The following CADPS2 variants were observed in gnomAD, a reference collection of about 807,000 sequenced individuals.
The protein encoded by CADPS2 is calcium dependent secretion activator 2.
Under a neutral mutation model 172.5 loss-of-function variants are expected in CADPS2, and 93 were observed. The ratio of observed to expected loss-of-function variants is 0.54; its 90% CI spans 0.46 to 0.64. CADPS2 has a LOEUF of 0.64. Ranked by LOEUF, CADPS2 falls within the 30% of genes least tolerant of loss-of-function variation. The pLI, the probability that CADPS2 is intolerant of heterozygous loss-of-function variation, is 0.00. For synonymous variants in CADPS2, 546 were observed against 555.2 expected (o/e 0.98, Z 0.23); for missense variants, 1,420 against 1,565.9 (o/e 0.91, Z 1.57).
Position 122,803,673 on chromosome 7 carries a change from T to G in CADPS2, c.340-66605A>C, listed in dbSNP as rs373105737. Among the ~76,000 whole-genome samples, 41 of 152,310 alleles carry G rather than the reference T, an allele frequency of 2.7e-4. No homozygotes were observed. The South Asian group carries it at 5.2e-3, about 19-fold the overall frequency. On this transcript the variant is annotated intron_variant, in intron 1 of 29. Coordinates refer to ENST00000449022, the MANE Select transcript of CADPS2 (RefSeq NM_017954.11). ...CCATTTGATTCATTTTAAAAATTTA[T>G]AGTATTCTTTGATGGTAGTTTGTAT...
intron 2 of CADPS2, among the ~76,000 whole-genome samples, chr7:122,696,021 A>G (rs530533983): frequency 2.8e-4 from 42 of 152,296 alleles, no homozygotes; most frequent in Middle Eastern, 3.4e-3. Context: ...GACTGCCAAC[A>G]CTACAGATGC....
Position 122,513,273 on chromosome 7 carries a change from T to C in CADPS2, c.1518A>G (p.Lys506=). The C allele has an allele frequency of 6.4e-7, 1 of 1,561,968 alleles. No homozygotes were observed. The change falls in exon 9 of 30, where the codon AAA becomes AAG. Residue 506 remains lysine (K), a synonymous_variant. Transcript: ENST00000449022. The part of the protein sequence containing the change: ...ALGQKVWKRW[K]KRYFVLVQVS... Reference sequence around the variant, plus strand: ...CCTGAACTAGAACAAAGTAACGTTTTTTCCATCTTTTCCAAACCTTCTGTC... The same window carrying C: ...CCTGAACTAGAACAAAGTAACGTTTCTTCCATCTTTTCCAAACCTTCTGTC...
intron 1 of CADPS2, among the ~76,000 whole-genome samples, chr7:122,761,516 A>G (rs1350334447): frequency 6.6e-6 from 1 of 152,164 alleles, no homozygotes; most frequent in Non-Finnish European, 1.5e-5. Context: ...AGAAGTATGA[A>G]AAGTCTCTAA....
intron 1 of CADPS2, among the ~76,000 whole-genome samples, chr7:122,740,874 A>G (rs2092434573): frequency 6.6e-6 from 1 of 152,174 alleles, no homozygotes; most frequent in South Asian, 2.1e-4. Flanking sequence ...CAGATAAAAG[A>G]CTTAATCCAT....
intron 1 of CADPS2, among the ~76,000 whole-genome samples, chr7:122,765,405 G>T (rs1181261163): frequency 6.6e-6 from 1 of 152,066 alleles, no homozygotes; most frequent in African/African-American, 2.4e-5. Context: ...ACAGTGCCCA[G>T]AACATGGTAG....
chr7:122,530,695 T>C (rs1184535696), intron 8 of CADPS2, among the ~76,000 whole-genome samples: 1 of 152,198 alleles, frequency 6.6e-6, no homozygotes, highest in Non-Finnish European at 1.5e-5. Context: ...TAACTATTAA[T>C]ACACAATATT....
chr7:122,426,586 A>C (rs542582090), intron 17 of CADPS2, among the ~76,000 whole-genome samples: 6 of 152,356 alleles, frequency 3.9e-5, no homozygotes, highest in African/African-American at 1.4e-4. Context: ...GTCTTTGGGT[A>C]CTTATAAACC....
intron 2 of CADPS2, among the ~76,000 whole-genome samples, chr7:122,723,590 C>G (rs2090735570): frequency 6.6e-6 from 1 of 152,156 alleles, no homozygotes; most frequent in African/African-American, 2.4e-5. Flanking sequence ...GGATGGGAAA[C>G]TAGTTCAACC....
chr7:122,572,207 G>A (rs781151237), intron 7 of CADPS2, among the ~76,000 whole-genome samples: 4 of 152,112 alleles, frequency 2.6e-5, no homozygotes, highest in African/African-American at 4.8e-5. Context: ...AGATGGAATG[G>A]AAATTCTTTT....
chr7:122,729,400 A>G lies in CADPS2; in HGVS notation c.453+7555T>C, dbSNP rs536806540. 2.0e-5 allele frequency among the ~76,000 whole-genome samples: 3 copies of G among 151,834 alleles called. No individual in the cohort carries two copies. The East Asian group carries it at 5.8e-4, about 29-fold the overall frequency. On this transcript the variant is annotated intron_variant, in intron 2 of 29. Coordinates refer to ENST00000449022, the MANE Select transcript of CADPS2 (RefSeq NM_017954.11). ...TAAATACCAAGTAATGAGATTGCTG[A>G]ATCTTATGGTATTTCTATTTTTAAT...
rs184024099 is a variant in CADPS2, at chr7:122,676,569, A to G, written c.454-13000T>C. On this transcript the variant is annotated intron_variant, in intron 2 of 29. Transcript: ENST00000449022. Reference sequence around the variant, plus strand: ...TTGGAGAAGGATGCTGTTAGCCCCAATTAAATATCCACTTCACACAGCATG... The same window carrying G: ...TTGGAGAAGGATGCTGTTAGCCCCAGTTAAATATCCACTTCACACAGCATG... The G allele has an allele frequency of 6.1e-5, 49 of 804,516 alleles. No homozygotes were observed. The African/African-American group carries it at 6.6e-4, about 11-fold the overall frequency. 49.8% of individuals were successfully genotyped at this position (804,516 alleles called of 1,614,324 possible).
intron 8 of CADPS2, among the ~76,000 whole-genome samples, chr7:122,551,214 T>C (rs1300914594): frequency 1.3e-5 from 2 of 152,104 alleles, no homozygotes; most frequent in Non-Finnish European, 2.9e-5. Context: ...ACATTAAAAT[T>C]ATGTTCTATT....
At chr7:122,870,490 G>A (rs1236320018) in intron 1 of CADPS2, among the ~76,000 whole-genome samples, 1 of 152,016 alleles carries the variant, frequency 6.6e-6, no homozygotes, top group Non-Finnish European at 1.5e-5. Context: ...GGAGAAAGGA[G>A]AGATGTTGAT....
intron 19 of CADPS2, among the ~76,000 whole-genome samples, chr7:122,408,616 G>A (rs1336055102): frequency 2.0e-5 from 3 of 152,226 alleles, no homozygotes; most frequent in Admixed American, 6.5e-5. Flanking sequence ...TAGGAGAAAC[G>A]GGGTTTTGCT....
chr7:122,735,839 G>A (rs1232057111), intron 2 of CADPS2, among the ~76,000 whole-genome samples: 1 of 151,976 alleles, frequency 6.6e-6, no homozygotes, highest in Non-Finnish European at 1.5e-5. Context: ...AGTACATGAG[G>A]CAAATATAGA....
intron 28 of CADPS2, among the ~76,000 whole-genome samples, chr7:122,330,175 G>T (rs1050308672): frequency 6.6e-6 from 1 of 152,170 alleles, no homozygotes; most frequent in Non-Finnish European, 1.5e-5. Context: ...GGCAAGAGTT[G>T]AGTCATTGTG....
intron 8 of CADPS2, among the ~76,000 whole-genome samples, chr7:122,522,986 C>T (rs28514506): frequency 0.34 from 51,416 of 152,022 alleles, 9,147 homozygotes; most frequent in Middle Eastern, 0.38. Flanking sequence ...GATAAACAGG[C>T]TGATTTCATA....
At chr7:122,611,258 A>G (rs1156479704) in intron 6 of CADPS2, among the ~76,000 whole-genome samples, 1 of 152,142 alleles carries the variant, frequency 6.6e-6, no homozygotes, top group Non-Finnish European at 1.5e-5. Flanking sequence ...CCAAGAAATC[A>G]TCCTAGAAAT....
At chr7:122,645,163 G>A (rs2078165555) in intron 3 of CADPS2, among the ~76,000 whole-genome samples, 1 of 149,142 alleles carries the variant, frequency 6.7e-6, no homozygotes, top group South Asian at 2.1e-4. Flanking sequence ...ATAACCTAGA[G>A]AATATGCATA....
Sources: allele counts gnomAD v4.1 joint callset (sites outside exome capture counted in the v4.1 genomes callset), GRCh38; gene constraint gnomAD v4.1.1; transcripts MANE v1.5; gene names NCBI Gene and HGNC (gene_info 2026-07-23, HGNC 2026-07-21).